Variants in MTCL3 observed in about 807,000 individuals in gnomAD.
The protein encoded by MTCL3 is MTCL family member 3.
the MTCL3 span, among the ~76,000 whole-genome samples, chr6:127,497,417 A>T: frequency 6.6e-6 from 1 of 152,234 alleles, no homozygotes; most frequent in Non-Finnish European, 1.5e-5. Context: ...GAAGAAACAT[A>T]GGTAGAAAAG....
At chr6:127,513,022 G>A in the MTCL3 span, 4 of 1,611,330 alleles carry the variant, frequency 2.5e-6, no homozygotes, top group Admixed American at 1.7e-5. Flanking sequence ...AATTCATGGT[G>A]AAGTCTCACA....
the MTCL3 span, among the ~76,000 whole-genome samples, chr6:127,485,342 A>G: frequency 6.6e-6 from 1 of 152,098 alleles, no homozygotes; most frequent in Non-Finnish European, 1.5e-5. Flanking sequence ...GAAATTCCAT[A>G]TGGGTGTTAC....
chr6:127,476,089 C>CGCAGCTCCA, the MTCL3 span: 1 of 1,613,966 alleles, frequency 6.2e-7, no homozygotes, highest in Non-Finnish European at 8.5e-7. This position sits in a 1 kb window ranked among gnomAD's most constrained non-coding sequence, Gnocchi z 4.4. Flanking sequence ...CAGGTGCTGC[C>CGCAGCTCCA]GCAGCTCCGA....
At chr6:127,473,356 A>G in the MTCL3 span, 1 of 1,544,452 alleles carries the variant, frequency 6.5e-7, no homozygotes, top group South Asian at 1.3e-5. Flanking sequence ...AAAATAATAC[A>G]AGAATGAGAA....
the MTCL3 span, chr6:127,473,376 T>C: frequency 1.9e-5 from 30 of 1,538,704 alleles, no homozygotes; most frequent in Non-Finnish European, 2.6e-5. Context: ...ATAAGTAAAA[T>C]GATAGGCTGG....
the MTCL3 span, chr6:127,516,193 C>G: frequency 7.0e-7 from 1 of 1,434,436 alleles, no homozygotes; most frequent in East Asian, 2.6e-5. Context: ...CTCGGGCGGT[C>G]CGGGCCTCCT....
chr6:127,513,120 A>C, the MTCL3 span: 1 of 1,373,316 alleles, frequency 7.3e-7, no homozygotes, highest in Admixed American at 2.5e-5. Flanking sequence ...TTGTATTCCT[A>C]TTGAAAGCAT....
At chr6:127,492,152 G>A in the MTCL3 span, among the ~76,000 whole-genome samples, 1 of 152,154 alleles carries the variant, frequency 6.6e-6, no homozygotes, top group Non-Finnish European at 1.5e-5. Context: ...TCAATGCAGA[G>A]CCTTCTAGCT....
At chr6:127,475,208 G>A in the MTCL3 span, 1 of 1,427,044 alleles carries the variant, frequency 7.0e-7, no homozygotes, top group Non-Finnish European at 9.4e-7. This position sits in a 1 kb window ranked among gnomAD's most constrained non-coding sequence, Gnocchi z 7.3. Flanking sequence ...GGGCGCGGCA[G>A]TCCGGGCGCC....
At chr6:127,488,508 C>T in the MTCL3 span, among the ~76,000 whole-genome samples, 1 of 152,142 alleles carries the variant, frequency 6.6e-6, no homozygotes, top group African/African-American at 2.4e-5. Context: ...GTTGTTTAGT[C>T]TATGTCAGTT....
At chr6:127,473,360 A>G in the MTCL3 span, 1 of 1,543,430 alleles carries the variant, frequency 6.5e-7, no homozygotes. Context: ...TAATACAAGA[A>G]TGAGAATAAG....
the MTCL3 span, among the ~76,000 whole-genome samples, chr6:127,480,900 C>T: frequency 6.6e-6 from 1 of 152,148 alleles, no homozygotes; most frequent in African/African-American, 2.4e-5. Context: ...TTAAAAGTGA[C>T]AGGTCATAAC....
chr6:127,502,349 T>C, the MTCL3 span, among the ~76,000 whole-genome samples: 1 of 152,296 alleles, frequency 6.6e-6, no homozygotes, highest in East Asian at 1.9e-4. Context: ...CAAATCAACA[T>C]AGTCAGCCCT....
chr6:127,516,023 C>T, the MTCL3 span: 1 of 1,582,006 alleles, frequency 6.3e-7, no homozygotes, highest in African/African-American at 1.3e-5. Flanking sequence ...ACGCCTTTCC[C>T]TCGCCAGCCC....
At chr6:127,475,210 C>G in the MTCL3 span, 1 of 1,435,412 alleles carries the variant, frequency 7.0e-7, no homozygotes, top group South Asian at 1.4e-5. The surrounding 1 kb of genome is among the most constrained non-coding windows in gnomAD (Gnocchi z 7.3). Context: ...GCGCGGCAGT[C>G]CGGGCGCCGA....
At chr6:127,475,509 G>A in the MTCL3 span, 7 of 1,613,276 alleles carry the variant, frequency 4.3e-6, no homozygotes, top group African/African-American at 8.0e-5. This position sits in a 1 kb window ranked among gnomAD's most constrained non-coding sequence, Gnocchi z 7.3. Context: ...CCTCGGTGAT[G>A]ATGGTGCTCG....
At chr6:127,490,497 G>T in the MTCL3 span, among the ~76,000 whole-genome samples, 3 of 151,870 alleles carry the variant, frequency 2.0e-5, no homozygotes, top group Non-Finnish European at 2.9e-5. Context: ...CTTCTGGAAA[G>T]AAATGGCATT....
At chr6:127,496,982 G>A in the MTCL3 span, among the ~76,000 whole-genome samples, 20,982 of 152,106 alleles carry the variant, frequency 0.14, 2,272 homozygotes, top group East Asian at 0.64. Flanking sequence ...ATAGATAAAA[G>A]AAGTAGATTA....
the MTCL3 span, among the ~76,000 whole-genome samples, chr6:127,494,569 G>A: frequency 2.6e-5 from 4 of 152,204 alleles, no homozygotes; most frequent in African/African-American, 9.6e-5. Context: ...ATATTTCCTG[G>A]ATCCTTAGGA....
Sources: gnomAD v4.1 joint callset for allele counts (sites outside exome capture counted in the v4.1 genomes callset) on GRCh38, gnomAD v4.1.1 for gene constraint, Gnocchi (gnomAD v3.1) non-coding constraint, MANE v1.5 for transcripts, NCBI Gene and HGNC (gene_info 2026-07-23, HGNC 2026-07-21) for gene names.